SCTR: variants seen among roughly 807,000 people sequenced by gnomAD.
The protein encoded by SCTR is secretin receptor, also known as pancreatic secretin receptor.
SCTR carries 56 observed loss-of-function variants against 60.8 expected under a neutral mutation model. The ratio of observed to expected loss-of-function variants is 0.92; its 90% CI spans 0.74 to 1.15. SCTR has a LOEUF of 1.15. Ranked by LOEUF, SCTR falls within the 50% of genes most tolerant of loss-of-function variation. SCTR has a pLI of 0.00. For missense variants in SCTR, 562 were observed against 550.4 expected (o/e 1.02, Z -0.21); for synonymous variants, 202 against 217.0 (o/e 0.93, Z 0.61).
rs567700560 is a variant in SCTR at position 119,444,042 on chromosome 2, G to A, written c.1141-2443C>T. On this transcript the variant is annotated intron_variant, in intron 11 of 12. Transcript: ENST00000019103. ...AACAAACAGGCCATGAGTGGATACC[G>A]CTGAGGCTGGGGATAGGTAATGGGG... Among the ~76,000 whole-genome samples, 205 of 151,730 alleles carry A rather than the reference G, an allele frequency of 1.4e-3. 2 individuals are homozygous for A. The highest frequency in any genetic ancestry group is 4.7e-3 in the African/African-American group (193 of 41,386).
intron 7 of SCTR, 117 bp from the exon 8 acceptor site, chr2:119,453,464 G>A: frequency 1.3e-6 from 1 of 785,148 alleles, no homozygotes; most frequent in South Asian, 1.5e-5. Flanking sequence ...CCAAGATTTG[G>A]TTTCCACAGA....
intron 1 of SCTR, among the ~76,000 whole-genome samples, chr2:119,504,383 G>A (rs149178886): frequency 0.014 from 2,084 of 152,008 alleles, 44 homozygotes; most frequent in African/African-American, 0.048. Context: ...ACCTGGGATC[G>A]GGAGTTCGAG....
At chr2:119,509,094 A>G (rs1319905117) in intron 1 of SCTR, among the ~76,000 whole-genome samples, 1 of 152,212 alleles carries the variant, frequency 6.6e-6, no homozygotes, top group Non-Finnish European at 1.5e-5. Context: ...TGGCCGTGTG[A>G]CCATGGTCAA....
chr2:119,482,881 C>T lies in SCTR; in HGVS notation c.194-3963G>A, dbSNP rs529806878. Among the ~76,000 whole-genome samples the T allele has an allele frequency of 2.0e-5, 3 of 152,332 alleles. No homozygotes were observed. In the South Asian group the frequency reaches 6.2e-4, roughly 32 times the overall value. The stretch of plus-strand genomic sequence containing the variant: ...TGACCCAGAGCCCTCTTTCCCTGTG[C>T]GGCCGTCTCAGGGTTGCAGCAGGAT... On this transcript the variant is annotated intron_variant, in intron 2 of 12. Coordinates refer to ENST00000019103, the MANE Select transcript of SCTR (RefSeq NM_002980.3).
intron 1 of SCTR, among the ~76,000 whole-genome samples, chr2:119,522,509 A>T (rs1308538420): frequency 2.0e-5 from 3 of 152,120 alleles, no homozygotes; most frequent in Admixed American, 2.0e-4. Context: ...GCTCATTTTT[A>T]AAATGAGGGA....
chr2:119,519,172 C>T (rs988863812), intron 1 of SCTR, among the ~76,000 whole-genome samples: 1 of 152,052 alleles, frequency 6.6e-6, no homozygotes, highest in Non-Finnish European at 1.5e-5. Context: ...CCATGTTGGT[C>T]GGACTGGTCT....
intron 6 of SCTR, 148 bp from the exon 7 acceptor site, chr2:119,462,148 C>A: frequency 1.5e-6 from 1 of 647,606 alleles, no homozygotes. Flanking sequence ...CTTCTGTGGC[C>A]TTCCTCCATC....
intron 2 of SCTR, among the ~76,000 whole-genome samples, chr2:119,492,921 A>G (rs1558871350): frequency 6.6e-6 from 1 of 151,590 alleles, no homozygotes; most frequent in Non-Finnish European, 1.5e-5. Context: ...CTGGAGTGCA[A>G]TGACATGATC....
intron 4 of SCTR, among the ~76,000 whole-genome samples, chr2:119,470,948 G>A (rs72833291): frequency 0.018 from 2,775 of 152,260 alleles, 31 homozygotes; most frequent in South Asian, 0.053. Flanking sequence ...TGATCCACCC[G>A]TCTCGACCTC....
intron 6 of SCTR, 132 bp from the exon 7 acceptor site, chr2:119,462,132 G>A: frequency 2.6e-6 from 2 of 774,232 alleles, no homozygotes; most frequent in South Asian, 2.3e-5. Context: ...TGGGGTTCAA[G>A]GCCATCTTCT....
chr2:119,447,603 G>A (rs1167605878), intron 10 of SCTR, among the ~76,000 whole-genome samples: 1 of 152,172 alleles, frequency 6.6e-6, no homozygotes, highest in Non-Finnish European at 1.5e-5. Flanking sequence ...ACAGAGTCTT[G>A]CTGTGTTGTG....
intron 1 of SCTR, among the ~76,000 whole-genome samples, chr2:119,499,587 T>C (rs1396162344): frequency 6.6e-6 from 1 of 152,016 alleles, no homozygotes; most frequent in Non-Finnish European, 1.5e-5. Flanking sequence ...TCCAAACACT[T>C]GGAAATGAAG....
Position 119,522,321 on chromosome 2 carries a change from A to G in SCTR, c.72+1834T>C, listed in dbSNP as rs533481290. On this transcript the variant is annotated intron_variant, in intron 1 of 12. Coordinates refer to ENST00000019103, the MANE Select transcript of SCTR (RefSeq NM_002980.3). ...CAAAAGAAAAAAAAAAAAGAAAAAG[A>G]AAAAGGAAATACAAGGGGTATAAAA... Among the ~76,000 whole-genome samples the G allele has an allele frequency of 7.2e-5, 11 of 152,064 alleles. No homozygotes were observed. The South Asian group carries it at 1.0e-3, about 14-fold the overall frequency.
chr2:119,506,320 G>A (rs759920582), intron 1 of SCTR, among the ~76,000 whole-genome samples: 8 of 151,980 alleles, frequency 5.3e-5, no homozygotes, highest in South Asian at 2.1e-4. Context: ...AACCCTATTC[G>A]GCAATAAAAA....
intron 9 of SCTR, among the ~76,000 whole-genome samples, chr2:119,451,390 C>T (rs928921556): frequency 7.9e-5 from 12 of 152,122 alleles, no homozygotes; most frequent in Admixed American, 6.5e-4. Context: ...GGCCTCTTGC[C>T]AGAAAAAGAA....
At chr2:119,483,740 T>G (rs1015590682) in intron 2 of SCTR, among the ~76,000 whole-genome samples, 5 of 152,178 alleles carry the variant, frequency 3.3e-5, no homozygotes, top group African/African-American at 4.8e-5. Context: ...TGAGGCTAAG[T>G]TTTTTAAAAG....
At position 119,465,818 on chromosome 2, in the gene SCTR, C is replaced by A. The variant is rs551996255; in HGVS notation, c.474G>T (p.Leu158=). ...VGYSSSLVML[L]VALGILCAFR... ...AAGCACAGAGGATGCCAAGGGCGAC[C>A]AGGAGCATGACCAGGGAGGAGCTGT... The change falls in exon 5 of 13, where the codon CTG becomes CTT. Residue 158 remains leucine (L), a synonymous_variant. Transcript: ENST00000019103. The A allele has an allele frequency of 1.9e-6, 3 of 1,613,854 alleles. No individual in the cohort carries two copies. The highest frequency in any genetic ancestry group is 2.7e-5 in the African/African-American group (2 of 74,886).
intron 1 of SCTR, among the ~76,000 whole-genome samples, chr2:119,496,431 T>TCA (rs1452325487): frequency 6.6e-6 from 1 of 152,244 alleles, no homozygotes; most frequent in African/African-American, 2.4e-5. Context: ...TGTCACAGCT[T>TCA]TATATATAAT....
intron 4 of SCTR, among the ~76,000 whole-genome samples, chr2:119,466,133 T>C (rs1481280857): frequency 6.6e-6 from 1 of 152,030 alleles, no homozygotes; most frequent in African/African-American, 2.4e-5. Flanking sequence ...ACTTCCATCT[T>C]ATGTATAGGG....
Sources: allele counts gnomAD v4.1 joint callset (sites outside exome capture counted in the v4.1 genomes callset), GRCh38; gene constraint gnomAD v4.1.1; transcripts MANE v1.5; gene names NCBI Gene and HGNC (gene_info 2026-07-23, HGNC 2026-07-21).